GADL1: variants seen among roughly 807,000 people sequenced by gnomAD.
GADL1 encodes the protein acidic amino acid decarboxylase GADL1.
GADL1 carries 71 observed loss-of-function variants against 69.5 expected under a neutral mutation model. That is an observed-to-expected ratio of 1.02 (90% CI 0.84 to 1.25). The LOEUF is 1.25. GADL1 is among the 50% of genes most tolerant of loss of function. GADL1 has a pLI of 0.00. For synonymous variants in GADL1, 254 were observed against 214.4 expected (o/e 1.18, Z -1.62); for missense variants, 737 against 631.8 (o/e 1.17, Z -1.79).
intron 11 of GADL1, among the ~76,000 whole-genome samples, chr3:30,804,576 G>C (rs994981825): frequency 6.8e-6 from 1 of 147,416 alleles, no homozygotes; most frequent in Non-Finnish European, 1.5e-5. Flanking sequence ...TTACTTATCT[G>C]ACTATTCTAG....
At chr3:30,753,958 G>A (rs1695899828) in intron 14 of GADL1, among the ~76,000 whole-genome samples, 2 of 152,264 alleles carry the variant, frequency 1.3e-5, no homozygotes, top group East Asian at 1.9e-4. Flanking sequence ...ACTACTGTTA[G>A]CACGCTAAAA....
At chr3:30,787,337 G>T (rs1232846410) in intron 12 of GADL1, among the ~76,000 whole-genome samples, 1 of 152,124 alleles carries the variant, frequency 6.6e-6, no homozygotes, top group Non-Finnish European at 1.5e-5. Flanking sequence ...GAATATGAGT[G>T]AGAAAAGACT....
In GADL1 at chr3:30,854,757, C is replaced by G; in HGVS notation, c.370G>C (p.Gly124Arg). The G allele has an allele frequency of 6.5e-7, 1 of 1,549,234 alleles. No homozygotes were observed. Among genetic ancestry groups the G allele is most frequent in the East Asian group, 2.4e-5 (1 of 40,842 alleles). ...HPRFFNQLYA[G>R]LDYYSLVARF... ...GCCACCAAGGAGTAATAATCAAGTC[C>G]AGCATACAATTGGTTGAAAAATCTT... Residue 124 changes from glycine (G) to arginine (R), a missense_variant, in exon 4 of 15, where the codon GGA becomes CGA. Gly to Arg is a moderately radical substitution (Grantham distance 125). Coordinates refer to ENST00000282538, the MANE Select transcript of GADL1 (RefSeq NM_207359.3).
At chr3:30,850,790 C>T (rs777446338) in intron 5 of GADL1, 45 bp downstream of exon 5, 48 of 1,127,150 alleles carry the variant, frequency 4.3e-5, no homozygotes, top group African/African-American at 6.2e-5. Flanking sequence ...TAAATTTTTA[C>T]GTGGTTGTAT....
intron 14 of GADL1, among the ~76,000 whole-genome samples, chr3:30,741,021 A>ATT (rs1448117660): frequency 2.3e-5 from 2 of 87,636 alleles, no homozygotes; most frequent in South Asian, 3.8e-4. Context: ...TATATTATAT[A>ATT]ATATATTATA....
chr3:30,817,664 C>T (rs541078796), intron 11 of GADL1, among the ~76,000 whole-genome samples: 1 of 152,298 alleles, frequency 6.6e-6, no homozygotes, highest in Admixed American at 6.5e-5. Flanking sequence ...CACTACCTCT[C>T]TGGCAAGTTG....
chr3:30,840,914 T>C (rs1463166212), intron 8 of GADL1, among the ~76,000 whole-genome samples: 1 of 152,228 alleles, frequency 6.6e-6, no homozygotes, highest in Non-Finnish European at 1.5e-5. Context: ...AAAATGTCTC[T>C]AAATATTCAA....
At chr3:30,812,285 C>G (rs572210268) in intron 11 of GADL1, among the ~76,000 whole-genome samples, 1 of 152,346 alleles carries the variant, frequency 6.6e-6, no homozygotes, top group South Asian at 2.1e-4. Context: ...CTAACCTATT[C>G]AACCTTTTGC....
chr3:30,860,618 A>G (rs564956385), intron 2 of GADL1, among the ~76,000 whole-genome samples: 1 of 152,050 alleles, frequency 6.6e-6, no homozygotes, highest in Non-Finnish European at 1.5e-5. Context: ...TCAAAAATTC[A>G]GAATAAATAT....
At chr3:30,880,801 A>G (rs551358150) in intron 1 of GADL1, among the ~76,000 whole-genome samples, 1 of 152,118 alleles carries the variant, frequency 6.6e-6, no homozygotes, top group South Asian at 2.1e-4. Context: ...GGTGAGGATT[A>G]AATGACTGTA....
intron 14 of GADL1, among the ~76,000 whole-genome samples, chr3:30,739,038 TC>T (rs1020896157): frequency 2.6e-5 from 4 of 152,172 alleles, no homozygotes; most frequent in African/African-American, 9.7e-5. Flanking sequence ...AAGGCAAAAC[TC>T]CTACCTAGCA....
intron 8 of GADL1, among the ~76,000 whole-genome samples, chr3:30,843,329 C>T (rs1698001057): frequency 6.7e-6 from 1 of 150,356 alleles, no homozygotes; most frequent in Non-Finnish European, 1.5e-5. Context: ...GATTTCAGCT[C>T]ACTGCAACTT....
At chr3:30,753,374 G>A (rs536851427) in intron 14 of GADL1, among the ~76,000 whole-genome samples, 10 of 152,220 alleles carry the variant, frequency 6.6e-5, no homozygotes, top group African/African-American at 2.4e-4. Context: ...AAATATCCAT[G>A]GCAGGTTTGT....
intron 11 of GADL1, among the ~76,000 whole-genome samples, chr3:30,806,097 AC>A (rs1697251140): frequency 6.6e-6 from 1 of 151,804 alleles, no homozygotes; most frequent in African/African-American, 2.4e-5. Context: ...ACAACAACAA[AC>A]CTTTGTATTT....
Position 30,728,087 on chromosome 3 carries a change from A to AAT in GADL1, c.*154_*155insAT. 1.6e-6 allele frequency: 1 copy of AAT among 623,748 alleles called. No homozygotes were observed. The highest frequency in any genetic ancestry group is 2.8e-6 in the Non-Finnish European group (1 of 351,378). The allele number at this position is 623,748 out of a possible 1,614,324, so 38.6% of individuals were successfully genotyped here. On this transcript the variant is annotated 3_prime_UTR_variant, in exon 15 of 15. Coordinates refer to ENST00000282538, the MANE Select transcript of GADL1 (RefSeq NM_207359.3). ...CCCAGGCAGCTAGAGAGTCCTTAAT[A>AAT]TTCATTGCTTAGCATTTTGGTTTTG...
At chr3:30,812,279 C>T (rs1171928116) in intron 11 of GADL1, among the ~76,000 whole-genome samples, 3 of 152,202 alleles carry the variant, frequency 2.0e-5, no homozygotes, top group African/African-American at 4.8e-5. Flanking sequence ...AGAACCCTAA[C>T]CTATTCAACC....
intron 11 of GADL1, among the ~76,000 whole-genome samples, chr3:30,829,802 TCTC>T (rs1697755322): frequency 6.6e-6 from 1 of 151,906 alleles, no homozygotes; most frequent in South Asian, 2.1e-4. Flanking sequence ...TGACATTCTT[TCTC>T]CTCATGTAGC....
At chr3:30,879,083 T>G (rs1294067716) in intron 1 of GADL1, among the ~76,000 whole-genome samples, 22 of 151,808 alleles carry the variant, frequency 1.4e-4, no homozygotes. Flanking sequence ...CACTGCAGTG[T>G]GTACTGACTG....
chr3:30,781,615 A>ATTCT (rs1696667071), intron 13 of GADL1, among the ~76,000 whole-genome samples: 1 of 152,192 alleles, frequency 6.6e-6, no homozygotes, highest in Admixed American at 6.5e-5. Flanking sequence ...GATAGCAAAA[A>ATTCT]AGCCTAAGTT....
Sources: allele counts gnomAD v4.1 joint callset (sites outside exome capture counted in the v4.1 genomes callset), GRCh38; gene constraint gnomAD v4.1.1; transcripts MANE v1.5; gene names NCBI Gene and HGNC (gene_info 2026-07-23, HGNC 2026-07-21).